RAD51B: variants seen among roughly 807,000 people sequenced by gnomAD.
RAD51B encodes RAD51 paralog B, also known as DNA repair protein RAD51 homolog 2.
Under a neutral mutation model 42.2 loss-of-function variants are expected in RAD51B, and 38 were observed. The ratio of observed to expected loss-of-function variants is 0.90; its 90% CI spans 0.70 to 1.18. The LOEUF (loss-of-function observed/expected upper bound fraction) is 1.18. Among genes scored for constraint, RAD51B ranks in the 50% most tolerant of loss-of-function variants. The pLI is 0.00. For missense variants in RAD51B, 373 were observed against 400.7 expected (o/e 0.93, Z 0.59); for synonymous variants, 154 against 145.2 (o/e 1.06, Z -0.43).
At chr14:68,052,420 G>A (rs1419681561) in intron 7 of RAD51B, among the ~76,000 whole-genome samples, 1 of 151,156 alleles carries the variant, frequency 6.6e-6, no homozygotes, top group Non-Finnish European at 1.5e-5. Flanking sequence ...ACCCGTAAGA[G>A]CATTTAACTA....
chr14:68,137,432 CAA>C (rs2078034381), intron 7 of RAD51B, among the ~76,000 whole-genome samples: 1 of 152,242 alleles, frequency 6.6e-6, no homozygotes, highest in Non-Finnish European at 1.5e-5. Flanking sequence ...ATTTTAAAAT[CAA>C]AGTGTTCTTT....
intron 7 of RAD51B, among the ~76,000 whole-genome samples, chr14:68,076,723 T>C (rs567821570): frequency 6.0e-4 from 92 of 152,366 alleles, no homozygotes; most frequent in African/African-American, 2.1e-3. Context: ...ATATTTTACA[T>C]GTATTGAAAC....
intron 7 of RAD51B, among the ~76,000 whole-genome samples, chr14:68,029,890 T>C (rs1047783994): frequency 9.9e-5 from 15 of 152,266 alleles, no homozygotes; most frequent in African/African-American, 3.4e-4. Context: ...GGCTACAGAA[T>C]GGGTCTTGTG....
intron 4 of RAD51B, among the ~76,000 whole-genome samples, chr14:67,861,476 G>GA (rs1473578104): frequency 6.9e-5 from 10 of 145,924 alleles, no homozygotes; most frequent in Admixed American, 2.8e-4. Context: ...CAGTCTCTAT[G>GA]AAAAAAAAAG....
chr14:68,163,462 C>G (rs2078686428), intron 7 of RAD51B, among the ~76,000 whole-genome samples: 1 of 152,182 alleles, frequency 6.6e-6, no homozygotes, highest in South Asian at 2.1e-4. Context: ...TCTCTCCTAT[C>G]CCCCGATGGT....
At position 68,560,961 on chromosome 14, in the gene RAD51B, G is replaced by A. The variant is rs554729557; in HGVS notation, c.1037-33524G>A. On this transcript the variant is annotated intron_variant, in intron 10 of 10. Coordinates refer to the RAD51B transcript ENST00000487270. Reference sequence around the variant, plus strand: ...GGGATACTGCTTCCGGGCAGAAAATGGGCCAGATTCAGGAACGCCTGAAAT... The same window carrying A: ...GGGATACTGCTTCCGGGCAGAAAATAGGCCAGATTCAGGAACGCCTGAAAT... 4.6e-5 allele frequency among the ~76,000 whole-genome samples: 7 copies of A among 152,318 alleles called. No individual in the cohort carries two copies. The South Asian group carries it at 1.2e-3, about 27-fold the overall frequency.
At chr14:67,925,434 G>GGA (rs2044472463) in intron 7 of RAD51B, among the ~76,000 whole-genome samples, 1 of 152,084 alleles carries the variant, frequency 6.6e-6, no homozygotes, top group Non-Finnish European at 1.5e-5. Flanking sequence ...CACCACGTCT[G>GGA]GCTAATTTTT....
chr14:68,360,812 T>C (rs2083009016), intron 8 of RAD51B, among the ~76,000 whole-genome samples: 1 of 152,222 alleles, frequency 6.6e-6, no homozygotes, highest in Non-Finnish European at 1.5e-5. Flanking sequence ...TCTGTTTCTA[T>C]GCTTTGGTCT....
chr14:68,499,697 A>C (rs1884786782), intron 10 of RAD51B, among the ~76,000 whole-genome samples: 1 of 152,152 alleles, frequency 6.6e-6, no homozygotes, highest in South Asian at 2.1e-4. Flanking sequence ...GGACAGTCAC[A>C]AAGAGGAGGA....
At chr14:68,141,936 A>T (rs2078137884) in intron 7 of RAD51B, among the ~76,000 whole-genome samples, 1 of 152,058 alleles carries the variant, frequency 6.6e-6, no homozygotes, top group Non-Finnish European at 1.5e-5. Flanking sequence ...ACCTTTTATC[A>T]CAAGACTTAT....
chr14:68,074,647 A>G (rs1309218361), intron 7 of RAD51B, among the ~76,000 whole-genome samples: 1 of 152,088 alleles, frequency 6.6e-6, no homozygotes, highest in East Asian at 1.9e-4. Context: ...TCTTTCTCAT[A>G]TGTGTGGGCT....
chr14:67,847,177 G>T (rs552821835), intron 4 of RAD51B, among the ~76,000 whole-genome samples: 1 of 152,214 alleles, frequency 6.6e-6, no homozygotes, highest in South Asian at 2.1e-4. Flanking sequence ...TCCCTCCAAA[G>T]ATCTCAGAAT....
At chr14:68,267,310 C>T (rs1342358242) in intron 7 of RAD51B, among the ~76,000 whole-genome samples, 1 of 152,084 alleles carries the variant, frequency 6.6e-6, no homozygotes, top group Non-Finnish European at 1.5e-5. Flanking sequence ...TAAAAACATA[C>T]CTCAATTTGC....
chr14:68,607,553 G>C (rs1451246788), intron 10 of RAD51B, among the ~76,000 whole-genome samples: 2 of 152,206 alleles, frequency 1.3e-5, no homozygotes, highest in East Asian at 1.9e-4. Context: ...TTTACACTGG[G>C]AGATGAGCTT....
chr14:67,875,643 A>G (rs1171024346), intron 5 of RAD51B, among the ~76,000 whole-genome samples: 2 of 152,220 alleles, frequency 1.3e-5, no homozygotes, highest in Non-Finnish European at 1.5e-5. Context: ...GTAGTAGGCT[A>G]TACTATCTAG....
At chr14:68,114,296 T>C (rs7157152) in intron 7 of RAD51B, among the ~76,000 whole-genome samples, 15,699 of 152,124 alleles carry the variant, frequency 0.1, 2,460 homozygotes, top group African/African-American at 0.34. Context: ...TATTTGAATA[T>C]ATTAAGGTGA....
chr14:68,232,784 G>A (rs146812221), intron 7 of RAD51B, among the ~76,000 whole-genome samples: 212 of 152,308 alleles, frequency 1.4e-3, no homozygotes, highest in African/African-American at 4.9e-3. Context: ...TCCAACTGCT[G>A]CAGTCCCACA....
chr14:67,937,035 G>T (rs1361532798), intron 7 of RAD51B, among the ~76,000 whole-genome samples: 1 of 151,968 alleles, frequency 6.6e-6, no homozygotes, highest in East Asian at 1.9e-4. Context: ...TTACTTTCTT[G>T]ATGGTCTTAC....
At chr14:68,511,061 G>C (rs894697099) in intron 10 of RAD51B, among the ~76,000 whole-genome samples, 1 of 152,242 alleles carries the variant, frequency 6.6e-6, no homozygotes, top group South Asian at 2.1e-4. Context: ...TCCCACTCTC[G>C]GTCAGGTGCT....
Sources: allele counts gnomAD v4.1 joint callset (sites outside exome capture counted in the v4.1 genomes callset), GRCh38; gene constraint gnomAD v4.1.1; transcripts MANE v1.5; gene names NCBI Gene and HGNC (gene_info 2026-07-23, HGNC 2026-07-21).